HPGDS: variants seen among roughly 807,000 people sequenced by gnomAD.
The protein encoded by HPGDS is hematopoietic prostaglandin D synthase, also known as GST class-sigma.
In HPGDS, 26 loss-of-function variants were observed where a neutral mutation model predicts 23.1. The ratio of observed to expected loss-of-function variants is 1.13; its 90% CI spans 0.83 to 1.56. The LOEUF (loss-of-function observed/expected upper bound fraction) is 1.56, where lower values mean the gene tolerates loss of function less well. Ranked by LOEUF, HPGDS falls within the 40% of genes most tolerant of loss-of-function variation. HPGDS has a pLI of 0.00. For missense variants in HPGDS, 268 were observed against 236.4 expected, an observed-to-expected ratio of 1.13 and a Z score of -0.88; for synonymous variants, 95 against 77.9, an observed-to-expected ratio of 1.22 and a Z score of -1.16.
chr4:94,336,290 A>G (rs1161582264), intron 1 of HPGDS, among the ~76,000 whole-genome samples: 2 of 152,116 alleles, frequency 1.3e-5, no homozygotes, highest in Non-Finnish European at 2.9e-5. Context: ...CCAAGTCTTG[A>G]CTTTAAGTTT....
intron 2 of HPGDS, among the ~76,000 whole-genome samples, chr4:94,322,602 G>T (rs2126041861): frequency 6.6e-6 from 1 of 152,142 alleles, no homozygotes; most frequent in East Asian, 1.9e-4. Flanking sequence ...TGGGATCGGT[G>T]GTGATATCCC....
intron 2 of HPGDS, among the ~76,000 whole-genome samples, chr4:94,325,789 C>A (rs1388635198): frequency 6.6e-6 from 1 of 152,158 alleles, no homozygotes; most frequent in Non-Finnish European, 1.5e-5. Context: ...GTGGGCTGCA[C>A]CCACTGACCA....
At chr4:94,341,218 T>C (rs1330469352) in intron 1 of HPGDS, among the ~76,000 whole-genome samples, 1 of 152,212 alleles carries the variant, frequency 6.6e-6, no homozygotes, top group African/African-American at 2.4e-5. Context: ...AATGCTGATT[T>C]ATTTCATCTG....
At chr4:94,319,047 C>T (rs1459625406) in intron 2 of HPGDS, among the ~76,000 whole-genome samples, 1 of 152,092 alleles carries the variant, frequency 6.6e-6, no homozygotes, top group African/African-American at 2.4e-5. Flanking sequence ...TCTGTTAGGT[C>T]CATTTGGTCT....
At chr4:94,325,038 A>T (rs1352669963) in intron 2 of HPGDS, among the ~76,000 whole-genome samples, 2 of 152,064 alleles carry the variant, frequency 1.3e-5, no homozygotes, top group Non-Finnish European at 2.9e-5. Context: ...GGTCTGCTGG[A>T]GTTTGCTGGA....
intron 3 of HPGDS, among the ~76,000 whole-genome samples, chr4:94,317,420 G>T (rs1411394982): frequency 6.6e-6 from 1 of 152,122 alleles, no homozygotes; most frequent in Admixed American, 6.6e-5. Context: ...GGCACTGAGT[G>T]GAAGCAAAGA....
chr4:94,322,043 T>C (rs189542811), intron 2 of HPGDS, among the ~76,000 whole-genome samples: 49 of 152,326 alleles, frequency 3.2e-4, no homozygotes, highest in African/African-American at 9.6e-4. Flanking sequence ...TGTCTTTGGT[T>C]CTGTTAAGGT....
chr4:94,341,750 GA>G (rs1721178697), intron 1 of HPGDS, among the ~76,000 whole-genome samples: 1 of 152,176 alleles, frequency 6.6e-6, no homozygotes, highest in African/African-American at 2.4e-5. Flanking sequence ...TTAAGATGCA[GA>G]TCTTAACTTG....
intron 2 of HPGDS, among the ~76,000 whole-genome samples, chr4:94,321,396 C>T (rs1175586286): frequency 6.6e-6 from 1 of 152,198 alleles, no homozygotes; most frequent in African/African-American, 2.4e-5. Context: ...TACCCATGAG[C>T]ATGGAATGTT....
intron 4 of HPGDS, among the ~76,000 whole-genome samples, chr4:94,308,285 G>C (rs1756177246): frequency 6.6e-6 from 1 of 152,192 alleles, no homozygotes; most frequent in South Asian, 2.1e-4. Flanking sequence ...TTGGACTTCA[G>C]ACTTTCAGGT....
chr4:94,314,024 T>C (rs1487555167), intron 3 of HPGDS, among the ~76,000 whole-genome samples: 1 of 152,180 alleles, frequency 6.6e-6, no homozygotes. Flanking sequence ...TTGGTTATTC[T>C]AGTTAGCCAT....
intron 2 of HPGDS, among the ~76,000 whole-genome samples, chr4:94,329,255 G>T (rs1756691854): frequency 6.6e-6 from 1 of 152,132 alleles, no homozygotes; most frequent in South Asian, 2.1e-4. Context: ...TAAATGAAGG[G>T]ATGAAGTTAA....
intron 4 of HPGDS, among the ~76,000 whole-genome samples, chr4:94,303,033 A>G (rs538027178): frequency 6.6e-6 from 1 of 152,234 alleles, no homozygotes; most frequent in South Asian, 2.1e-4. Context: ...GCCAAACTCA[A>G]AAATATAAAA....
intron 3 of HPGDS, among the ~76,000 whole-genome samples, chr4:94,309,117 AT>A (rs1215346987): frequency 1.5e-4 from 10 of 67,916 alleles, no homozygotes; most frequent in Admixed American, 1.2e-3. Context: ...GCCACAATTT[AT>A]TTTTTTATTT....
At chr4:94,323,368 A>C (rs1411325361) in intron 2 of HPGDS, among the ~76,000 whole-genome samples, 3 of 152,208 alleles carry the variant, frequency 2.0e-5, no homozygotes, top group Non-Finnish European at 4.4e-5. Flanking sequence ...GAGGTGTTAA[A>C]GTCTCCCATT....
intron 4 of HPGDS, among the ~76,000 whole-genome samples, chr4:94,303,608 T>C (rs1756086623): frequency 6.6e-6 from 1 of 152,094 alleles, no homozygotes. Context: ...TAGTTATGAG[T>C]CTTTCTGCTG....
chr4:94,341,615 A>G (rs959853541), intron 1 of HPGDS, among the ~76,000 whole-genome samples: 1 of 152,264 alleles, frequency 6.6e-6, no homozygotes, highest in African/African-American at 2.4e-5. Context: ...CGACACATCA[A>G]GAATTCAAAC....
intron 2 of HPGDS, among the ~76,000 whole-genome samples, chr4:94,324,471 C>G (rs1226353665): frequency 6.6e-6 from 1 of 152,012 alleles, no homozygotes; most frequent in Non-Finnish European, 1.5e-5. Flanking sequence ...TTACTCTTTT[C>G]TCTCTAAACT....
At chr4:94,328,503 AT>A (rs1457848290) in intron 2 of HPGDS, among the ~76,000 whole-genome samples, 1 of 152,294 alleles carries the variant, frequency 6.6e-6, no homozygotes, top group East Asian at 1.9e-4. Context: ...AACCTATTAT[AT>A]TTTTGTCACA....
Sources: gnomAD v4.1 joint callset for allele counts (sites outside exome capture counted in the v4.1 genomes callset) on GRCh38, gnomAD v4.1.1 for gene constraint, MANE v1.5 for transcripts, NCBI Gene and HGNC (gene_info 2026-07-23, HGNC 2026-07-21) for gene names.